Variants in MPHOSPH9 observed in about 807,000 individuals in gnomAD.
MPHOSPH9 encodes the protein M-phase phosphoprotein 9.
MPHOSPH9 carries 88 observed loss-of-function variants against 145.5 expected under a neutral mutation model. That is an observed-to-expected ratio of 0.60 (90% CI 0.51 to 0.72). The LOEUF is 0.72. Ranked by LOEUF, MPHOSPH9 falls within the 30% of genes least tolerant of loss-of-function variation. The pLI is 0.00. For missense variants in MPHOSPH9, 1,238 were observed against 1,386.6 expected (o/e 0.89, Z 1.70); for synonymous variants, 435 against 486.2 (o/e 0.89, Z 1.39).
At chr12:123,193,733 T>C (rs976220059) in intron 13 of MPHOSPH9, among the ~76,000 whole-genome samples, 1 of 152,078 alleles carries the variant, frequency 6.6e-6, no homozygotes, top group East Asian at 1.9e-4. Context: ...AAAAATTTAA[T>C]CAAACTTGCT....
At chr12:123,209,437 A>G (rs113981387) in intron 8 of MPHOSPH9, among the ~76,000 whole-genome samples, 305 of 151,528 alleles carry the variant, frequency 2.0e-3, no homozygotes, top group African/African-American at 7.0e-3. Context: ...ATGGAGTTGC[A>G]CTCTCGTTGC....
At chr12:123,168,499 G>C (rs2682425) in intron 16 of MPHOSPH9, among the ~76,000 whole-genome samples, 184 of 147,746 alleles carry the variant, frequency 1.2e-3, no homozygotes, top group African/African-American at 4.3e-3. Context: ...CTGCCACCAC[G>C]CCCGGCTAAT....
At chr12:123,194,175 G>A (rs909982258) in intron 13 of MPHOSPH9, among the ~76,000 whole-genome samples, 1 of 152,184 alleles carries the variant, frequency 6.6e-6, no homozygotes, top group Admixed American at 6.5e-5. Context: ...AGGCTGAGGC[G>A]AGAAGATCTC....
At position 123,221,229 on chromosome 12, in the gene MPHOSPH9, T is replaced by C. The variant is rs2047187664; in HGVS notation, c.872+143A>G. 4.4e-6 allele frequency: 3 copies of C among 677,492 alleles called. No individual in the cohort carries two copies. In the East Asian group the frequency reaches 8.4e-5, roughly 19 times the overall value. 42.0% of individuals were successfully genotyped at this position (677,492 alleles called of 1,614,324 possible). A position where few individuals can be genotyped will look rare whatever the true frequency, so the allele number is the denominator to read the frequency against. On this transcript the variant is annotated intron_variant, in intron 5 of 23. Coordinates refer to ENST00000606320, the MANE Select transcript of MPHOSPH9 (RefSeq NM_022782.4). ...GAAGAAAGTCAGTGTCATTAGAATA[T>C]AGTGTGCTTTGTTTATTTCAATTTT...
rs944108131 is a variant in MPHOSPH9, at chr12:123,166,915, T to C, written c.2457-126A>G. The C allele has an allele frequency of 8.6e-6, 8 of 932,344 alleles. No individual in the cohort carries two copies. In the African/African-American group the frequency reaches 1.0e-4, roughly 12 times the overall value. The allele number at this position is 932,344 out of a possible 1,614,324, so 57.8% of individuals were successfully genotyped here. A position where few individuals can be genotyped will look rare whatever the true frequency, so the allele number is the denominator to read the frequency against. On this transcript the variant is annotated intron_variant, in intron 16 of 23. Coordinates refer to ENST00000606320, the MANE Select transcript of MPHOSPH9 (RefSeq NM_022782.4). ...TGTACACTAATTTAAAAATCACATGTAACAATCTATATTTTGGATACAATT... is the reference window on the plus strand; with the variant it reads ...TGTACACTAATTTAAAAATCACATGCAACAATCTATATTTTGGATACAATT...
chr12:123,237,103 A>T (rs1467592615), upstream of MPHOSPH9, among the ~76,000 whole-genome samples: 3 of 152,022 alleles, frequency 2.0e-5, no homozygotes, highest in Non-Finnish European at 4.4e-5. Context: ...AATAGAAGAA[A>T]TATGATACAC....
upstream of MPHOSPH9, among the ~76,000 whole-genome samples, chr12:123,234,688 C>T (rs183567175): frequency 6.6e-6 from 1 of 152,186 alleles, no homozygotes; most frequent in Non-Finnish European, 1.5e-5. Flanking sequence ...TGAGCCACCA[C>T]GCCTGGCAAT....
intron 7 of MPHOSPH9, among the ~76,000 whole-genome samples, chr12:123,212,928 C>T (rs2046802177): frequency 6.8e-6 from 1 of 146,784 alleles, no homozygotes; most frequent in Non-Finnish European, 1.5e-5. Context: ...GGCACAATCT[C>T]GGCTCACTGC....
chr12:123,164,605 C>T (rs1355969268), intron 18 of MPHOSPH9, among the ~76,000 whole-genome samples: 1 of 152,220 alleles, frequency 6.6e-6, no homozygotes, highest in Non-Finnish European at 1.5e-5. Context: ...TGTTATATCT[C>T]ACTTCATGAA....
chr12:123,211,541 A>G (rs1366175313), intron 7 of MPHOSPH9, among the ~76,000 whole-genome samples: 1 of 151,854 alleles, frequency 6.6e-6, no homozygotes, highest in African/African-American at 2.4e-5. Flanking sequence ...CTTTTAGTAG[A>G]GACAGGGTTT....
chr12:123,215,487 TA>T (rs933360818), intron 6 of MPHOSPH9, among the ~76,000 whole-genome samples: 16 of 152,204 alleles, frequency 1.1e-4, no homozygotes, highest in Non-Finnish European at 1.9e-4. Context: ...TCATTTAGTA[TA>T]AAAATTAATG....
At chr12:123,164,548 T>C (rs892473317) in intron 18 of MPHOSPH9, among the ~76,000 whole-genome samples, 4 of 152,234 alleles carry the variant, frequency 2.6e-5, no homozygotes, top group East Asian at 1.9e-4. Context: ...TTAAAGACAC[T>C]ACTTGCCTTA....
At position 123,221,518 on chromosome 12, in the gene MPHOSPH9, A is replaced by G; in HGVS notation, c.726T>C (p.Gly242=). 1 of 1,614,218 alleles carries G rather than the reference A, an allele frequency of 6.2e-7. No homozygotes were observed. Among genetic ancestry groups the G allele is most frequent in the Non-Finnish European group, 8.5e-7 (1 of 1,180,030 alleles). ...PAVPAESLVD[G]VKNENFYIQT... The stretch of plus-strand genomic sequence containing the variant: ...GTATATAAAAATTCTCATTTTTCAC[A>G]CCATCTACAAGTGACTCAGCCGGCA... Residue 242 remains glycine (G), a synonymous_variant, in exon 5 of 24, where the codon GGT becomes GGC. Transcript: ENST00000606320.
At position 123,165,481 on chromosome 12, in the gene MPHOSPH9, A is replaced by C. The variant is rs1435634843; in HGVS notation, c.2592-4T>G. On this transcript the variant is annotated splice_polypyrimidine_tract_variant and splice_region_variant and intron_variant, in intron 17 of 23. Coordinates refer to ENST00000606320, the MANE Select transcript of MPHOSPH9 (RefSeq NM_022782.4). ...CTTTTCCAGAGGTGAACGGTGCCTT[A>C]AACAATAATTTTAAGACATACAGTG... 21 of 1,612,130 alleles carry C rather than the reference A, an allele frequency of 1.3e-5. No individual in the cohort carries two copies. Among genetic ancestry groups the C allele is most frequent in the Non-Finnish European group, 1.8e-5 (21 of 1,179,402 alleles).
At chr12:123,216,511 G>A (rs948577749) in intron 6 of MPHOSPH9, among the ~76,000 whole-genome samples, 1 of 152,002 alleles carries the variant, frequency 6.6e-6, no homozygotes, top group Non-Finnish European at 1.5e-5. Flanking sequence ...ACTAAACAAT[G>A]CTATTCTGTG....
At chr12:123,205,178 G>A (rs1391626892) in intron 8 of MPHOSPH9, among the ~76,000 whole-genome samples, 1 of 152,176 alleles carries the variant, frequency 6.6e-6, no homozygotes, top group Non-Finnish European at 1.5e-5. Flanking sequence ...ACCCTACGTA[G>A]GCTGCAGAGC....
intron 16 of MPHOSPH9, among the ~76,000 whole-genome samples, chr12:123,169,811 A>G (rs1256140236): frequency 1.3e-5 from 2 of 151,376 alleles, no homozygotes; most frequent in East Asian, 4.0e-4. Flanking sequence ...ATGTTGGCCA[A>G]ACTCCTAACC....
At chr12:123,168,707 C>T (rs2044434527) in intron 16 of MPHOSPH9, among the ~76,000 whole-genome samples, 1 of 95,984 alleles carries the variant, frequency 1.0e-5, no homozygotes, top group African/African-American at 2.5e-5. Flanking sequence ...ACACCCTTTC[C>T]ACCCTCCTCA....
chr12:123,242,947 C>G (rs2047965251), intron 1 of MPHOSPH9, among the ~76,000 whole-genome samples: 2 of 152,122 alleles, frequency 1.3e-5, no homozygotes, highest in South Asian at 4.1e-4. Context: ...CTGCCTGATA[C>G]ACAAATGAAT....
Sources: allele counts gnomAD v4.1 joint callset (sites outside exome capture counted in the v4.1 genomes callset), GRCh38; gene constraint gnomAD v4.1.1; transcripts MANE v1.5; gene names NCBI Gene and HGNC (gene_info 2026-07-23, HGNC 2026-07-21).